Variants in ZNF717 observed in about 807,000 individuals in gnomAD.
The protein encoded by ZNF717 is krueppel-like factor X17.
ZNF717 carries 9 observed loss-of-function variants against 13.8 expected under a neutral mutation model. The ratio of observed to expected loss-of-function variants is 0.65; its 90% CI spans 0.39 to 1.14. The LOEUF (loss-of-function observed/expected upper bound fraction) is 1.14, where lower values mean the gene tolerates loss of function less well. Ranked by LOEUF, ZNF717 falls within the 50% of genes most tolerant of loss-of-function variation. ZNF717 has a pLI of 0.01. For synonymous variants in ZNF717, 327 were observed against 364.1 expected (o/e 0.90, Z 1.16); for missense variants, 1,040 against 1,080.7 (o/e 0.96, Z 0.53).
At chr3:75,756,684 GTTTTTT>G (rs1008221594) in intron 2 of ZNF717, among the ~76,000 whole-genome samples, 1 of 53,762 alleles carries the variant, frequency 1.9e-5, no homozygotes, top group South Asian at 4.7e-4. Context: ...TTTTTTTTCT[GTTTTTT>G]TGAGACGGAG....
chr3:75,764,438 T>A (rs1302449366), intron 2 of ZNF717, among the ~76,000 whole-genome samples: 5 of 152,174 alleles, frequency 3.3e-5, no homozygotes, highest in Admixed American at 3.3e-4. Context: ...TAACATAATC[T>A]ATACCATGCA....
intron 2 of ZNF717, among the ~76,000 whole-genome samples, chr3:75,771,701 G>T (rs1479738113): frequency 1.3e-5 from 2 of 152,236 alleles, no homozygotes; most frequent in Non-Finnish European, 2.9e-5. Flanking sequence ...GCTGGTGGGA[G>T]CCAGGAACGG....
At position 75,756,735 on chromosome 3, in the gene ZNF717, C is replaced by G. The variant is rs566842324; in HGVS notation, c.58-14999G>C. 3.9e-5 allele frequency among the ~76,000 whole-genome samples: 6 copies of G among 152,008 alleles called. No individual in the cohort carries two copies. In the South Asian group the frequency reaches 1.2e-3, roughly 31 times the overall value. On this transcript the variant is annotated intron_variant, in intron 2 of 4. Coordinates refer to ENST00000652011, the MANE Select transcript of ZNF717 (RefSeq NM_001290208.3). ...TCTTGCCCAAGCTAGAGTGCAATGG[C>G]GCGATCTCGGCTCATCGCAACCTCT...
At chr3:75,753,001 T>A (rs1276509916) in intron 2 of ZNF717, among the ~76,000 whole-genome samples, 1 of 115,700 alleles carries the variant, frequency 8.6e-6, no homozygotes, top group Non-Finnish European at 1.9e-5. Context: ...CAGAACACTT[T>A]TGCTGGTGTC....
At chr3:75,783,214 A>C in intron 2 of ZNF717, 92 bp downstream of exon 2, 2 of 971,032 alleles carry the variant, frequency 2.1e-6, no homozygotes, top group Middle Eastern at 2.2e-4. Context: ...CCTGAGTTTT[A>C]CTTATTTCCA....
chr3:75,715,782 A>C (rs1201586536), intron 5 of ZNF717, among the ~76,000 whole-genome samples: 4 of 152,166 alleles, frequency 2.6e-5, no homozygotes, highest in Non-Finnish European at 5.9e-5. Flanking sequence ...CAGAGAACTT[A>C]GAAAACTCTA....
intron 5 of ZNF717, among the ~76,000 whole-genome samples, chr3:75,713,041 G>A (rs1470098384): frequency 6.6e-6 from 1 of 152,004 alleles, no homozygotes; most frequent in South Asian, 2.1e-4. Flanking sequence ...GAGCCCAAGA[G>A]TTCGAGGTTG....
At chr3:75,709,310 T>G (rs1177523022), downstream of ZNF717, among the ~76,000 whole-genome samples, 2 of 152,056 alleles carry the variant, frequency 1.3e-5, no homozygotes, top group East Asian at 3.9e-4. Context: ...TCCACACACT[T>G]TTAAACAACC....
downstream of ZNF717, among the ~76,000 whole-genome samples, chr3:75,729,334 G>A (rs796175438): frequency 1.3e-5 from 2 of 152,244 alleles, no homozygotes; most frequent in Admixed American, 6.5e-5. Context: ...AGAGCTATCA[G>A]ACCAGGTGTG....
chr3:75,781,380 G>C lies in ZNF717; in HGVS notation c.57+1926C>G, dbSNP rs7433908. On this transcript the variant is annotated intron_variant, in intron 2 of 4. Coordinates refer to ENST00000652011, the MANE Select transcript of ZNF717 (RefSeq NM_001290208.3). ...CTTCTTCCACCAAATGACTGTGCTG[G>C]AGTCTCTGTGAATCTGCTGTGTTTC... Among the ~76,000 whole-genome samples the C allele has an allele frequency of 1.4e-3, 214 of 152,242 alleles. 3 individuals are homozygous for C. Among genetic ancestry groups the C allele is most frequent in the Admixed American group, 0.012 (178 of 15,288 alleles).
At chr3:75,722,091 CAA>C (rs3035116) in intron 4 of ZNF717, among the ~76,000 whole-genome samples, 1,695 of 137,908 alleles carry the variant, frequency 0.012, 36 homozygotes, top group African/African-American at 0.039. Context: ...ACTAAAAATA[CAA>C]AAAAAAAAAA....
intron 2 of ZNF717, among the ~76,000 whole-genome samples, chr3:75,776,035 A>G (rs890055210): frequency 2.0e-5 from 3 of 152,260 alleles, no homozygotes; most frequent in African/African-American, 4.8e-5. Flanking sequence ...TCTAAGTCAA[A>G]TTACCTATAA....
downstream of ZNF717, among the ~76,000 whole-genome samples, chr3:75,734,055 C>T (rs2918510): frequency 0.83 from 123,524 of 148,748 alleles, 51,044 homozygotes; most frequent in East Asian, 0.89. Context: ...GAAAACTGAA[C>T]CTACATTTTA....
intron 2 of ZNF717, among the ~76,000 whole-genome samples, chr3:75,756,303 T>C (rs1195296826): frequency 1.3e-5 from 2 of 152,248 alleles, no homozygotes; most frequent in African/African-American, 4.8e-5. Flanking sequence ...TCTCTCTTTT[T>C]CTCAGGCTTC....
At chr3:75,717,301 G>T (rs1463607605) in intron 4 of ZNF717, among the ~76,000 whole-genome samples, 6 of 152,220 alleles carry the variant, frequency 3.9e-5, no homozygotes, top group Non-Finnish European at 5.9e-5. Flanking sequence ...CCAAATACAC[G>T]CTTCCTAAAA....
chr3:75,771,695 G>A (rs1943893167), intron 2 of ZNF717, among the ~76,000 whole-genome samples: 1 of 152,240 alleles, frequency 6.6e-6, no homozygotes, highest in African/African-American at 2.4e-5. Flanking sequence ...CTCGAAGCTG[G>A]TGGGAGCCAG....
chr3:75,728,870 CAT>C (rs1272982035), downstream of ZNF717, among the ~76,000 whole-genome samples: 1 of 152,116 alleles, frequency 6.6e-6, no homozygotes, highest in African/African-American at 2.4e-5. Flanking sequence ...TTATACATAA[CAT>C]AGACAAACAG....
chr3:75,770,386 C>A (rs796437190), intron 2 of ZNF717, among the ~76,000 whole-genome samples: 1 of 152,132 alleles, frequency 6.6e-6, no homozygotes, highest in African/African-American at 2.4e-5. Flanking sequence ...AACAGAGAAA[C>A]CCCATCTCTA....
At chr3:75,772,994 G>A (rs28840531) in intron 2 of ZNF717, among the ~76,000 whole-genome samples, 6,536 of 152,210 alleles carry the variant, frequency 0.043, 435 homozygotes, top group African/African-American at 0.15. Flanking sequence ...TAACAGAAAC[G>A]GGACTGGGTC....
Sources: allele counts gnomAD v4.1 joint callset (sites outside exome capture counted in the v4.1 genomes callset), GRCh38; gene constraint gnomAD v4.1.1; transcripts MANE v1.5; gene names NCBI Gene and HGNC (gene_info 2026-07-23, HGNC 2026-07-21).